Variants in NEK5 observed in about 807,000 individuals in gnomAD.
NEK5 encodes NIMA related kinase 5.
In NEK5, 88 loss-of-function variants were observed where a neutral mutation model predicts 109.2. The observed-to-expected ratio is 0.81, with a 90% CI of 0.68 to 0.96. NEK5 has a LOEUF of 0.96. Ranked by LOEUF, NEK5 falls within the 40% of genes least tolerant of loss-of-function variation. The probability of loss-of-function intolerance (pLI) is 0.00; values close to 1 mark genes in which losing one functional copy is unlikely to be tolerated. For synonymous variants in NEK5, 283 were observed against 299.9 expected, an observed-to-expected ratio of 0.94 and a Z score of 0.58; for missense variants, 834 against 920.7, an observed-to-expected ratio of 0.91 and a Z score of 1.22.
intron 17 of NEK5, among the ~76,000 whole-genome samples, chr13:52,077,342 G>C (rs1469980278): frequency 6.6e-6 from 1 of 152,146 alleles, no homozygotes; most frequent in Admixed American, 6.5e-5. Flanking sequence ...ATAGATAAAT[G>C]GTTTTTAATA....
chr13:52,096,884 G>GC (rs1051883301), intron 12 of NEK5, among the ~76,000 whole-genome samples: 1 of 152,162 alleles, frequency 6.6e-6, no homozygotes, highest in African/African-American at 2.4e-5. Flanking sequence ...CTCATCACAG[G>GC]CCCAGAGGCC....
chr13:52,089,933 G>T (rs184561184), intron 13 of NEK5, among the ~76,000 whole-genome samples: 3 of 151,372 alleles, frequency 2.0e-5, no homozygotes, highest in Non-Finnish European at 4.4e-5. Flanking sequence ...CTGCACTCCA[G>T]CCTGAGTGAC....
intron 17 of NEK5, among the ~76,000 whole-genome samples, chr13:52,078,156 C>T (rs1954902315): frequency 6.6e-6 from 1 of 151,896 alleles, no homozygotes; most frequent in African/African-American, 2.4e-5. Context: ...ACCCAAATAT[C>T]CATCTACAGT....
At chr13:52,079,642 G>A (rs1277898023) in intron 17 of NEK5, among the ~76,000 whole-genome samples, 4 of 152,296 alleles carry the variant, frequency 2.6e-5, no homozygotes, top group Admixed American at 2.0e-4. Flanking sequence ...CGTGATCTCG[G>A]CTGGCTACAA....
chr13:52,064,448 G>T (rs1192598802), intron 21 of NEK5, among the ~76,000 whole-genome samples: 1 of 138,880 alleles, frequency 7.2e-6, no homozygotes, highest in Non-Finnish European at 1.6e-5. Flanking sequence ...GGAGGGAGGT[G>T]GGGGGGGTCA....
In NEK5 at chr13:52,086,265, G is replaced by T. The variant is rs377354445; in HGVS notation, c.1479+12C>A. On this transcript the variant is annotated intron_variant, in intron 16 of 23. Coordinates refer to ENST00000684899, the MANE Select transcript of NEK5 (RefSeq NM_001365552.1). ...CGATAGAACAATGTTTCCCCTAGAA[G>T]AATGAATTTACCTCTGGTTCTCTCC... The T allele has an allele frequency of 3.6e-5, 55 of 1,512,592 alleles. No individual in the cohort carries two copies. The highest frequency in any genetic ancestry group is 5.0e-5 in the Non-Finnish European group (54 of 1,087,630). The allele number at this position is 1,512,592 out of a possible 1,614,324, so 93.7% of individuals were successfully genotyped here. A position where few individuals can be genotyped will look rare whatever the true frequency, so the allele number is the denominator to read the frequency against.
chr13:52,068,265 G>A (rs564584003), intron 20 of NEK5, among the ~76,000 whole-genome samples: 17 of 152,102 alleles, frequency 1.1e-4, no homozygotes, highest in Admixed American at 5.9e-4. Flanking sequence ...TCTTTTGGTC[G>A]TGAGACAAAG....
intron 21 of NEK5, among the ~76,000 whole-genome samples, chr13:52,064,323 C>G (rs1954649655): frequency 7.2e-6 from 1 of 139,480 alleles, no homozygotes; most frequent in Non-Finnish European, 1.6e-5. Flanking sequence ...GCCCCTCTGC[C>G]TGGCCAGCCG....
intron 12 of NEK5, among the ~76,000 whole-genome samples, chr13:52,098,875 C>A (rs1050091293): frequency 6.6e-6 from 1 of 152,066 alleles, no homozygotes; most frequent in African/African-American, 2.4e-5. Context: ...ATTTTAAGTA[C>A]AAAATTTGTG....
intron 20 of NEK5, among the ~76,000 whole-genome samples, chr13:52,068,338 A>G (rs719349): frequency 0.036 from 5,513 of 152,294 alleles, 134 homozygotes; most frequent in South Asian, 0.09. Context: ...TATTTCCAAT[A>G]TATAGCACCG....
chr13:52,092,712 C>A (rs1399274691), intron 13 of NEK5, among the ~76,000 whole-genome samples: 1 of 152,046 alleles, frequency 6.6e-6, no homozygotes, highest in South Asian at 2.1e-4. Flanking sequence ...ATGGTGAAAC[C>A]CTGTCTTTAC....
In NEK5 at chr13:52,112,369, TA is replaced by T; in HGVS notation, c.215-5del. ...ACAATAAACAGCCTGCCATTCTCTG[TA>T]AGAAAAGGAATCATTTGGTGCTGGA... On this transcript the variant is annotated splice_polypyrimidine_tract_variant and splice_region_variant and intron_variant, in intron 4 of 23. Coordinates refer to ENST00000684899, the MANE Select transcript of NEK5 (RefSeq NM_001365552.1). The T allele has an allele frequency of 6.4e-7, 1 of 1,571,598 alleles. No individual in the cohort carries two copies. The highest frequency in any genetic ancestry group is 8.8e-7 in the Non-Finnish European group (1 of 1,141,942).
intron 8 of NEK5, among the ~76,000 whole-genome samples, chr13:52,106,024 T>A (rs1308857350): frequency 2.0e-5 from 3 of 152,058 alleles, no homozygotes; most frequent in Non-Finnish European, 4.4e-5. Context: ...ATTCAAATTC[T>A]TGAAAAGCAG....
At chr13:52,075,711 T>C (rs540969031) in intron 19 of NEK5, 47 bp downstream of exon 19, 7 of 1,088,266 alleles carry the variant, frequency 6.4e-6, no homozygotes, top group Non-Finnish European at 9.5e-6. Flanking sequence ...TTAAGATATA[T>C]GCATTTTCTG....
intron 23 of NEK5, among the ~76,000 whole-genome samples, chr13:52,042,009 T>TA (rs1309657152): frequency 6.6e-6 from 1 of 151,748 alleles, no homozygotes; most frequent in East Asian, 1.9e-4. Context: ...TGTAAGGAAT[T>TA]AAAAAAATTA....
chr13:52,090,165 T>G (rs1452775644), intron 13 of NEK5, among the ~76,000 whole-genome samples: 1 of 152,190 alleles, frequency 6.6e-6, no homozygotes, highest in Non-Finnish European at 1.5e-5. Flanking sequence ...ACAATTTTAG[T>G]CAATTCCAGT....
chr13:52,111,352 A>G (rs1163738521), intron 5 of NEK5, among the ~76,000 whole-genome samples: 1 of 152,184 alleles, frequency 6.6e-6, no homozygotes, highest in Non-Finnish European at 1.5e-5. Context: ...TTTTGTCATG[A>G]GAAGCATTTT....
rs113910865 is a variant in NEK5 at position 52,108,317 on chromosome 13, C to G, written c.554+1G>C. 1.3e-6 allele frequency: 2 copies of G among 1,588,930 alleles called. No homozygotes were observed. The highest frequency in any genetic ancestry group is 1.7e-6 in the Non-Finnish European group (2 of 1,160,874). ...TTTCAAACTAAGAGTCAGCAACTTA[C>G]GTTTTATTGTTGTAGGGTTTATTCT... is the stretch of plus-strand genomic sequence containing the variant. On this transcript the variant is annotated splice_donor_variant, in intron 8 of 23. Coordinates refer to ENST00000684899, the MANE Select transcript of NEK5 (RefSeq NM_001365552.1). LOFTEE classifies it high-confidence loss of function.
intron 17 of NEK5, chr13:52,082,417 A>T (rs1375501359): frequency 8.5e-6 from 8 of 944,482 alleles, no homozygotes; most frequent in Non-Finnish European, 1.1e-5. Flanking sequence ...TCGCAAAATA[A>T]ATATAACTCC....
Sources: allele counts gnomAD v4.1 joint callset (sites outside exome capture counted in the v4.1 genomes callset), GRCh38; gene constraint gnomAD v4.1.1; transcripts MANE v1.5; gene names NCBI Gene and HGNC (gene_info 2026-07-23, HGNC 2026-07-21).